FNBP1L: variants seen among roughly 807,000 people sequenced by gnomAD.
The protein encoded by FNBP1L is formin-binding protein 1-like.
Under a neutral mutation model 91.2 loss-of-function variants are expected in FNBP1L, and 36 were observed. That is an observed-to-expected ratio of 0.39 (90% CI 0.30 to 0.52). The LOEUF (loss-of-function observed/expected upper bound fraction) is 0.52. Among genes scored for constraint, FNBP1L ranks in the 20% least tolerant of loss-of-function variants. The pLI is 0.66. For synonymous variants in FNBP1L, 242 were observed against 237.0 expected (o/e 1.02, Z -0.19); for missense variants, 571 against 732.1 (o/e 0.78, Z 2.54).
intron 1 of FNBP1L, among the ~76,000 whole-genome samples, chr1:93,473,359 C>T (rs900823338): frequency 2.0e-5 from 3 of 151,728 alleles, no homozygotes; most frequent in African/African-American, 4.8e-5. Context: ...ACTTTCATGC[C>T]GGCTCTGCGA....
At chr1:93,481,929 G>A (rs1423047544) in intron 1 of FNBP1L, among the ~76,000 whole-genome samples, 4 of 152,164 alleles carry the variant, frequency 2.6e-5, no homozygotes, top group Admixed American at 2.6e-4. Context: ...GGAGGCTGAG[G>A]CCAGAGGATC....
At chr1:93,469,827 T>C (rs1446112360) in intron 1 of FNBP1L, among the ~76,000 whole-genome samples, 4 of 152,002 alleles carry the variant, frequency 2.6e-5, no homozygotes, top group African/African-American at 9.7e-5. Context: ...AATAAAAAAA[T>C]TAGCCTGACA....
At chr1:93,509,765 G>A (rs898985286) in intron 2 of FNBP1L, among the ~76,000 whole-genome samples, 22 of 152,342 alleles carry the variant, frequency 1.4e-4, no homozygotes, top group Non-Finnish European at 1.9e-4. Flanking sequence ...CACCGTGCAC[G>A]AGCCCTGCTT....
rs539656880 is a variant in FNBP1L, at chr1:93,464,032, G to T, written c.24+15727G>T. 3.3e-5 allele frequency among the ~76,000 whole-genome samples: 5 copies of T among 152,196 alleles called. No individual in the cohort carries two copies. The East Asian group carries it at 9.6e-4, about 29-fold the overall frequency. On this transcript the variant is annotated intron_variant, in intron 1 of 16. Transcript: ENST00000271234. ...TTCACTACCCTAAAAATCCCCTGTG[G>T]CCTACTTCATACCCATAAGGGTGGC...
intron 2 of FNBP1L, among the ~76,000 whole-genome samples, chr1:93,508,553 G>A (rs1276076094): frequency 2.0e-5 from 3 of 152,080 alleles, no homozygotes; most frequent in Non-Finnish European, 4.4e-5. Flanking sequence ...AGATGTGTGA[G>A]TTTTACATAC....
At position 93,448,186 on chromosome 1, in the gene FNBP1L, T is replaced by G. The variant is rs1668332516; in HGVS notation, c.-96T>G. ...ACCTTTCGAGGTAGACCCGCTGAGC[T>G]GCTAGCCCGCCGGCCAGCGAGTGAG... On this transcript the variant is annotated 5_prime_UTR_variant, in exon 1 of 17. Coordinates refer to ENST00000271234, the MANE Select transcript of FNBP1L (RefSeq NM_001164473.3). 2.0e-6 allele frequency: 3 copies of G among 1,468,074 alleles called. No individual in the cohort carries two copies. Among genetic ancestry groups the G allele is most frequent in the African/African-American group, 1.5e-5 (1 of 67,840 alleles). 90.9% of individuals were successfully genotyped at this position (1,468,074 alleles called of 1,614,324 possible).
chr1:93,546,772 C>G, intron 12 of FNBP1L, 70 bp from the exon 13 acceptor site: 1 of 1,536,186 alleles, frequency 6.5e-7, no homozygotes, highest in Non-Finnish European at 8.9e-7. Flanking sequence ...TCCCCAGAGT[C>G]CAATAAAACT....
intron 1 of FNBP1L, among the ~76,000 whole-genome samples, chr1:93,496,127 C>T (rs1033944565): frequency 1.3e-5 from 2 of 152,174 alleles, no homozygotes; most frequent in African/African-American, 4.8e-5. Flanking sequence ...AAGCCTTCAA[C>T]TGATTAGATG....
intron 1 of FNBP1L, among the ~76,000 whole-genome samples, chr1:93,473,359 C>A (rs900823338): frequency 6.6e-6 from 1 of 151,728 alleles, no homozygotes; most frequent in Admixed American, 6.6e-5. Context: ...ACTTTCATGC[C>A]GGCTCTGCGA....
In FNBP1L at chr1:93,523,379, A is replaced by G. The variant is rs1206078628; in HGVS notation, c.230A>G (p.Asn77Ser). The G allele has an allele frequency of 6.2e-7, 1 of 1,608,444 alleles. No homozygotes were observed. Among genetic ancestry groups the G allele is most frequent in the South Asian group, 1.1e-5 (1 of 89,808 alleles). ...TGTGTAGCCTTTTTTAATATCCTTA[A>G]TGAGTTAAATGACTATGCAGGACAG... ...TSCVAFFNIL[N>S]ELNDYAGQRE... Residue 77 changes from asparagine to serine, a missense_variant, in exon 4 of 17, where the codon AAT (asparagine) becomes AGT (serine). Coordinates refer to ENST00000271234, the MANE Select transcript of FNBP1L (RefSeq NM_001164473.3).
At chr1:93,534,326 C>G (rs2101761751) in intron 8 of FNBP1L, among the ~76,000 whole-genome samples, 1 of 152,118 alleles carries the variant, frequency 6.6e-6, no homozygotes, top group Admixed American at 6.5e-5. Flanking sequence ...TCTTTTAAAG[C>G]AAAAAGCCTT....
intron 12 of FNBP1L, 107 bp from the exon 13 acceptor site, chr1:93,546,735 T>A: frequency 2.5e-6 from 3 of 1,186,446 alleles, no homozygotes; most frequent in Non-Finnish European, 3.6e-6. Flanking sequence ...AAGATGTGAC[T>A]CTACTTAAGA....
At chr1:93,540,027 ATTAACT>A (rs1392529495) in intron 10 of FNBP1L, among the ~76,000 whole-genome samples, 1 of 152,102 alleles carries the variant, frequency 6.6e-6, no homozygotes, top group Admixed American at 6.6e-5. Flanking sequence ...GAATGTGAAG[ATTAACT>A]TTATAAAGCT....
At position 93,462,647 on chromosome 1, in the gene FNBP1L, C is replaced by T. The variant is rs575372134; in HGVS notation, c.24+14342C>T. ...GGATACCCCTCTATTGGAAAATGTC[C>T]GATGTTTTTTCATGATTAGACTGGA... On this transcript the variant is annotated intron_variant, in intron 1 of 16. Transcript: ENST00000271234. 7.2e-5 allele frequency among the ~76,000 whole-genome samples: 11 copies of T among 152,086 alleles called. No individual in the cohort carries two copies. In the South Asian group the frequency reaches 8.3e-4, roughly 11 times the overall value.
intron 3 of FNBP1L, 79 bp downstream of exon 3, chr1:93,522,214 T>G (rs1671352993): frequency 7.8e-6 from 5 of 637,676 alleles, no homozygotes; most frequent in Non-Finnish European, 1.1e-5. Flanking sequence ...TAAGATATAT[T>G]CTTAGCTTTT....
chr1:93,530,510 G>T (rs543929804), intron 6 of FNBP1L, among the ~76,000 whole-genome samples: 1 of 152,206 alleles, frequency 6.6e-6, no homozygotes, highest in East Asian at 1.9e-4. Flanking sequence ...GAATACTATT[G>T]TAATGAGAGA....
At chr1:93,470,125 C>T (rs72961370) in intron 1 of FNBP1L, among the ~76,000 whole-genome samples, 4,201 of 152,140 alleles carry the variant, frequency 0.028, 201 homozygotes, top group African/African-American at 0.096. Context: ...GTTAGCTATG[C>T]TCTCTTTTCT....
At chr1:93,550,838 A>G in intron 15 of FNBP1L, 109 bp from the exon 16 acceptor site, 3 of 1,075,014 alleles carry the variant, frequency 2.8e-6, no homozygotes, top group Non-Finnish European at 3.8e-6. Flanking sequence ...CAGTAGTTCC[A>G]GGTACATTGA....
At position 93,544,694 on chromosome 1, in the gene FNBP1L, TAGA is replaced by T. The variant is rs1005371135; in HGVS notation, c.1274+483_1274+485del. Among the ~76,000 whole-genome samples the T allele has an allele frequency of 2.8e-4, 42 of 152,274 alleles. No homozygotes were observed. The South Asian group carries it at 3.9e-3, about 14-fold the overall frequency. ...TAGTTTAATTTTTTAAAAATAGACATAGAAGAATTATTCACGATCATTAAAGTG... is the reference window on the plus strand; with the variant it reads ...TAGTTTAATTTTTTAAAAATAGACATAGAATTATTCACGATCATTAAAGTG... On this transcript the variant is annotated intron_variant, in intron 12 of 16. Transcript: ENST00000271234.
Sources: allele counts gnomAD v4.1 joint callset (sites outside exome capture counted in the v4.1 genomes callset), GRCh38; gene constraint gnomAD v4.1.1; transcripts MANE v1.5; gene names NCBI Gene and HGNC (gene_info 2026-07-23, HGNC 2026-07-21).